GNA11: variants seen among roughly 807,000 people sequenced by gnomAD.
GNA11 encodes G protein subunit alpha 11.
A neutral mutation model predicts 38.2 loss-of-function variants in GNA11; 8 were observed. That is an observed-to-expected ratio of 0.21 (90% CI 0.12 to 0.38). The LOEUF is 0.38. Among genes scored for constraint, GNA11 ranks in the 10% least tolerant of loss-of-function variants. The probability of loss-of-function intolerance (pLI) is 1.00; values close to 1 mark genes in which losing one functional copy is unlikely to be tolerated. For missense variants in GNA11, 268 were observed against 516.3 expected (o/e 0.52, Z 4.66); for synonymous variants, 211 against 221.4 (o/e 0.95, Z 0.42).
intron 4 of GNA11, 60 bp from the exon 5 acceptor site, chr19:3,118,864 G>A: frequency 6.4e-7 from 1 of 1,556,468 alleles, no homozygotes; most frequent in South Asian, 1.1e-5. Context: ...AGCCGTCCTG[G>A]GATTGCAGAT....
intron 4 of GNA11, chr19:3,117,770 C>G (rs181193265): frequency 6.6e-6 from 1 of 152,480 alleles, no homozygotes; most frequent in East Asian, 1.9e-4. Context: ...CTCTGTCCAC[C>G]ACACGCTGGC....
rs754043777 is a variant in GNA11 at position 3,110,381 on chromosome 19, C to CT, written c.321+50dup. The CT allele has an allele frequency of 6.6e-7, 1 of 1,507,142 alleles. No individual in the cohort carries two copies. The highest frequency in any genetic ancestry group is 1.7e-5 in the Admixed American group (1 of 58,408). 93.4% of individuals were successfully genotyped at this position (1,507,142 alleles called of 1,614,324 possible). On this transcript the variant is annotated intron_variant, in intron 2 of 6. Coordinates refer to ENST00000078429, the MANE Select transcript of GNA11 (RefSeq NM_002067.5). This position sits in a 1 kb window ranked among gnomAD's most constrained non-coding sequence, Gnocchi z 5.4. The stretch of plus-strand genomic sequence containing the variant: ...AGGGGAGCGCCTGGGCAGCTGTGGG[C>CT]TTGGTGGTGAGCATGGTGGCCGCGC...
At chr19:3,112,808 C>T (rs1340429600) in intron 2 of GNA11, among the ~76,000 whole-genome samples, 2 of 152,372 alleles carry the variant, frequency 1.3e-5, no homozygotes, top group Admixed American at 6.5e-5. Flanking sequence ...AAGAGAGAAG[C>T]CGGCGGGGCA....
rs1270941496 is a variant in GNA11, at chr19:3,111,856, G to A, written c.322-1474G>A. Among the ~76,000 whole-genome samples the A allele has an allele frequency of 4.6e-5, 7 of 152,320 alleles. No homozygotes were observed. The South Asian group carries it at 6.2e-4, about 14-fold the overall frequency. Reference sequence around the variant, plus strand: ...CTGAGGGGCCATTGATCCCGCTTTCGTAGCCCTGCTTTCAGGGGTAGGGCT... The same window carrying A: ...CTGAGGGGCCATTGATCCCGCTTTCATAGCCCTGCTTTCAGGGGTAGGGCT... On this transcript the variant is annotated intron_variant, in intron 2 of 6. Coordinates refer to ENST00000078429, the MANE Select transcript of GNA11 (RefSeq NM_002067.5).
In GNA11 at chr19:3,120,925, G is replaced by C; in HGVS notation, c.890-64G>C. 8.1e-7 allele frequency: 1 copy of C among 1,239,834 alleles called. No homozygotes were observed. Among genetic ancestry groups the C allele is most frequent in the Non-Finnish European group, 1.2e-6 (1 of 867,394 alleles). The allele number at this position is 1,239,834 out of a possible 1,614,324, so 76.8% of individuals were successfully genotyped here. Reference sequence around the variant, plus strand: ...CGCTCATCCCCTGGGAGTGACAAAGGGGCCCACGAGTCCCTTGCCCTGGGC... The same window carrying C: ...CGCTCATCCCCTGGGAGTGACAAAGCGGCCCACGAGTCCCTTGCCCTGGGC... On this transcript the variant is annotated intron_variant, in intron 6 of 6. Coordinates refer to ENST00000078429, the MANE Select transcript of GNA11 (RefSeq NM_002067.5). The surrounding 1 kb of genome is among the most constrained non-coding windows in gnomAD (Gnocchi z 5.9).
At chr19:3,104,595 G>T (rs77272343) in intron 1 of GNA11, among the ~76,000 whole-genome samples, 3,261 of 152,330 alleles carry the variant, frequency 0.021, 37 homozygotes, top group African/African-American at 0.034. Context: ...GCACTGGAGT[G>T]CGGGGGACCC....
chr19:3,104,292 G>T (rs1362539094), intron 1 of GNA11, among the ~76,000 whole-genome samples: 2 of 152,262 alleles, frequency 1.3e-5, no homozygotes, highest in African/African-American at 4.8e-5. Flanking sequence ...AGCGGGTCCA[G>T]TCGGGAGGGT....
chr19:3,106,291 T>C (rs1446769466), intron 1 of GNA11, among the ~76,000 whole-genome samples: 8 of 152,170 alleles, frequency 5.3e-5, no homozygotes, highest in Admixed American at 5.2e-4. Flanking sequence ...TGTGGACCCC[T>C]GCGTCCCAGC....
At position 3,121,250 on chromosome 19, in the gene GNA11, G is replaced by A. The variant is rs1423513907; in HGVS notation, c.*71G>A. 21 of 1,295,752 alleles carry A rather than the reference G, an allele frequency of 1.6e-5. No homozygotes were observed. Among genetic ancestry groups the A allele is most frequent in the South Asian group, 7.8e-5 (6 of 76,516 alleles). The allele number at this position is 1,295,752 out of a possible 1,614,324, so 80.3% of individuals were successfully genotyped here. On this transcript the variant is annotated 3_prime_UTR_variant, in exon 7 of 7. Transcript: ENST00000078429. ...TCCTTCCACGGAGCCTGCGGCTGCC[G>A]GGCGGGTGGCGCTGCCGAGTCCGGG...
rs1913738669 is a variant in GNA11 at position 3,110,240 on chromosome 19, C to T, written c.228C>T (p.Thr76=). The change falls in exon 2 of 7, where the codon ACC becomes ACT. Residue 76 remains threonine, a synonymous_variant. Transcript: ENST00000078429. The surrounding 1 kb of genome is among the most constrained non-coding windows in gnomAD (Gnocchi z 5.4). ...CGGAGGAGGACAAGCGCGGCTTCACCAAGCTCGTCTACCAGAACATCTTCA... is the reference window on the plus strand; with the variant it reads ...CGGAGGAGGACAAGCGCGGCTTCACTAAGCTCGTCTACCAGAACATCTTCA... ...GYSEEDKRGF[T]KLVYQNIFTA... The T allele has an allele frequency of 6.2e-7, 1 of 1,613,856 alleles. No individual in the cohort carries two copies.
Position 3,120,382 on chromosome 19 carries a change from C to T in GNA11, c.890-607C>T, listed in dbSNP as rs1386110880. 6.6e-6 allele frequency among the ~76,000 whole-genome samples: 1 copy of T among 152,100 alleles called. No homozygotes were observed. Among genetic ancestry groups the T allele is most frequent in the African/African-American group, 2.4e-5 (1 of 41,412 alleles). Reference sequence around the variant, plus strand: ...AGGGACTGGGGCATAGACCCCTGTCCCACCAGTCCCCAGAGCAGCCCCTTG... The same window carrying T: ...AGGGACTGGGGCATAGACCCCTGTCTCACCAGTCCCCAGAGCAGCCCCTTG... On this transcript the variant is annotated intron_variant, in intron 6 of 6. Coordinates refer to ENST00000078429, the MANE Select transcript of GNA11 (RefSeq NM_002067.5). The surrounding 1 kb of genome is among the most constrained non-coding windows in gnomAD (Gnocchi z 5.9).
At chr19:3,095,783 G>A (rs1913348303) in intron 1 of GNA11, among the ~76,000 whole-genome samples, 1 of 151,874 alleles carries the variant, frequency 6.6e-6, no homozygotes, top group African/African-American at 2.4e-5. Flanking sequence ...GTCCTGGTGG[G>A]AGCCACGCTG....
chr19:3,115,126 C>CCGGCTCATGCGCCT, intron 4 of GNA11, 54 bp downstream of exon 4: 2 of 1,583,678 alleles, frequency 1.3e-6, no homozygotes, highest in Non-Finnish European at 1.7e-6. Context: ...CTCATTTGCC[C>CCGGCTCATGCGCCT]GGTGTGCCGG....
chr19:3,109,880 T>C (rs554294197), intron 1 of GNA11, among the ~76,000 whole-genome samples: 52 of 152,242 alleles, frequency 3.4e-4, no homozygotes, highest in African/African-American at 1.2e-3. Flanking sequence ...ATACCAACAA[T>C]TGGCCCCCAG....
rs368874580 is a variant in GNA11, at chr19:3,113,320, G to C, written c.322-10G>C. On this transcript the variant is annotated splice_polypyrimidine_tract_variant and intron_variant, in intron 2 of 6. Transcript: ENST00000078429. ...CGAGCTCTCGACGTCTCCCCTGCCC[G>C]CCCTCGCAGGCCAATGCGCTCCTGA... 1 of 1,612,468 alleles carries C rather than the reference G, an allele frequency of 6.2e-7. No individual in the cohort carries two copies. Among genetic ancestry groups the C allele is most frequent in the African/African-American group, 1.3e-5 (1 of 74,918 alleles).
At chr19:3,106,228 G>A (rs924592592) in intron 1 of GNA11, among the ~76,000 whole-genome samples, 6 of 152,162 alleles carry the variant, frequency 3.9e-5, no homozygotes, top group Non-Finnish European at 5.9e-5. Context: ...CCCCAGCCGC[G>A]GGGTGTGAGG....
Position 3,120,089 on chromosome 19 carries a change from G to A in GNA11, c.889+730G>A, listed in dbSNP as rs543471837. Among the ~76,000 whole-genome samples, 233 of 152,156 alleles carry A rather than the reference G, an allele frequency of 1.5e-3. 1 individual carries two copies. The highest frequency in any genetic ancestry group is 5.3e-3 in the African/African-American group (221 of 41,522). The stretch of plus-strand genomic sequence containing the variant: ...CAGTGAGGCCCTGGGCAGCTCTGGC[G>A]CCCTCATTTCCACCCCGGATCTGTG... On this transcript the variant is annotated intron_variant, in intron 6 of 6. Transcript: ENST00000078429. The surrounding 1 kb of genome is among the most constrained non-coding windows in gnomAD (Gnocchi z 5.9).
chr19:3,112,122 G>A (rs1433532246), intron 2 of GNA11, among the ~76,000 whole-genome samples: 12 of 152,254 alleles, frequency 7.9e-5, no homozygotes, highest in Admixed American at 7.9e-4. Context: ...GAGACAGTCC[G>A]TGTGGTCGGG....
rs760781651 is a variant in GNA11, at chr19:3,113,464, G to A, written c.456G>A (p.Gln152=). 29 of 1,607,146 alleles carry A rather than the reference G, an allele frequency of 1.8e-5. No homozygotes were observed. The highest frequency in any genetic ancestry group is 8.5e-7 in the Non-Finnish European group (1 of 1,176,074). Residue 152 remains glutamine (Q), a synonymous_variant, in exon 3 of 7, where the codon CAG becomes CAA. Transcript: ENST00000078429. ...GCTACGACCGCAGGCGCGAGTACCA[G>A]CTCTCCGACTCTGCCAAGTAGTAAG... The part of the protein sequence containing the change: ...QECYDRRREY[Q]LSDSAKYYLT...
Sources: gnomAD v4.1 joint callset for allele counts (sites outside exome capture counted in the v4.1 genomes callset) on GRCh38, gnomAD v4.1.1 for gene constraint, Gnocchi (gnomAD v3.1) non-coding constraint, MANE v1.5 for transcripts, NCBI Gene and HGNC (gene_info 2026-07-23, HGNC 2026-07-21) for gene names.